SACS: variants seen among roughly 807,000 people sequenced by gnomAD.
SACS encodes sacsin molecular chaperone.
SACS carries 197 observed loss-of-function variants against 348.0 expected under a neutral mutation model. That is an observed-to-expected ratio of 0.57 (90% confidence interval 0.50 to 0.64). The LOEUF is 0.64. Among genes scored for constraint, SACS ranks in the 30% least tolerant of loss-of-function variants. The pLI is 0.00. For synonymous variants in SACS, 1,985 were observed against 1,910.6 expected (o/e 1.04, Z -1.02); for missense variants, 4,999 against 5,360.8 (o/e 0.93, Z 2.11).
In SACS at chr13:23,340,856, T is replaced by A. The variant is rs745430192; in HGVS notation, c.3020A>T (p.Glu1007Val). Reference protein sequence around the residue: ...KDIENAFYSHEEVTQLMLWVL... With the variant: ...KDIENAFYSHVEVTQLMLWVL... ...CCATAACATAAGCTGTGTTACCTCTTCATGTGAATAAAATGCATTTTCAAT... is the reference window on the plus strand; with the variant it reads ...CCATAACATAAGCTGTGTTACCTCTACATGTGAATAAAATGCATTTTCAAT... Residue 1007 changes from glutamate to valine, a missense_variant, in exon 10 of 10, where the codon GAA becomes GTA. By Grantham distance (121) the Glu-to-Val change is moderately radical. Coordinates refer to ENST00000382292, the MANE Select transcript of SACS (RefSeq NM_014363.6). The A allele has an allele frequency of 6.2e-7, 1 of 1,607,850 alleles. No homozygotes were observed. Among genetic ancestry groups the A allele is most frequent in the Non-Finnish European group, 8.5e-7 (1 of 1,175,630 alleles).
chr13:23,425,254 C>A (rs1349420767), intron 1 of SACS, among the ~76,000 whole-genome samples: 2 of 151,682 alleles, frequency 1.3e-5, no homozygotes, highest in Non-Finnish European at 2.9e-5. Flanking sequence ...ACCTGACATA[C>A]AGATGCCCGA....
At chr13:23,370,460 A>G (rs1310289034) in intron 4 of SACS, among the ~76,000 whole-genome samples, 1 of 152,156 alleles carries the variant, frequency 6.6e-6, no homozygotes, top group Non-Finnish European at 1.5e-5. Flanking sequence ...TTTTATGGTA[A>G]GAGTAATTAA....
At chr13:23,423,808 A>G (rs1424640877) in intron 1 of SACS, among the ~76,000 whole-genome samples, 1 of 152,246 alleles carries the variant, frequency 6.6e-6, no homozygotes, top group Non-Finnish European at 1.5e-5. Flanking sequence ...CTATGTGTGA[A>G]GAAGCTTTGA....
intron 3 of SACS, among the ~76,000 whole-genome samples, chr13:23,372,958 C>T (rs1871488620): frequency 6.6e-6 from 1 of 152,292 alleles, no homozygotes; most frequent in Admixed American, 6.5e-5. Flanking sequence ...ACGAAAGGGT[C>T]CTACTTAGAC....
At position 23,341,223 on chromosome 13, in the gene SACS, A is replaced by G. The variant is rs202075357; in HGVS notation, c.2653T>C (p.Leu885=). ...AVLQIMEKMP[L]QKLCNQITSL... ...GTTATTTGATTACACAATTTCTGCA[A>G]TGGCATCTTCTCCATTATCTGCAAA... The change falls in exon 10 of 10, where the codon TTG becomes CTG. Residue 885 remains leucine (L), a synonymous_variant. Coordinates refer to ENST00000382292, the MANE Select transcript of SACS (RefSeq NM_014363.6). 3.5e-5 allele frequency: 56 copies of G among 1,614,040 alleles called. No homozygotes were observed. The highest frequency in any genetic ancestry group is 4.5e-5 in the Non-Finnish European group (53 of 1,180,028).
rs79316822 is a variant in SACS at position 23,421,234 on chromosome 13, T to C, written c.-501-9494A>G. On this transcript the variant is annotated intron_variant, in intron 1 of 9. Transcript: ENST00000382292. ...AACCTGGTGTTCTCCAGGGGCCTGA[T>C]GTCAACCTGAGGTGTAGATATCCAC... is the stretch of plus-strand genomic sequence containing the variant. Among the ~76,000 whole-genome samples the C allele has an allele frequency of 4.4e-3, 666 of 152,110 alleles. 6 individuals are homozygous for C. Among genetic ancestry groups the C allele is most frequent in the African/African-American group, 0.015 (625 of 41,486 alleles).
intron 2 of SACS, among the ~76,000 whole-genome samples, chr13:23,401,033 A>G (rs1872953939): frequency 6.6e-6 from 1 of 152,168 alleles, no homozygotes; most frequent in East Asian, 1.9e-4. Context: ...TCAAATGGGT[A>G]AATATTATTA....
Position 23,330,996 on chromosome 13 carries a change from A to C in SACS, c.12880T>G (p.Ser4294Ala). The change falls in exon 10 of 10, where the codon TCC (serine) becomes GCC (alanine). Residue 4294 changes from serine to alanine, a missense_variant. Transcript: ENST00000382292. Reference protein sequence around the residue: ...ESHKTSSKHQSPKKLKVNSLP... With the variant: ...ESHKTSSKHQAPKKLKVNSLP... Reference sequence around the variant, plus strand: ...GAATTAACCTTAAGCTTTTTGGGGGACTGATGTTTGGAAGAAGTCTTGTGG... The same window carrying C: ...GAATTAACCTTAAGCTTTTTGGGGGCCTGATGTTTGGAAGAAGTCTTGTGG... 1 of 1,613,650 alleles carries C rather than the reference A, an allele frequency of 6.2e-7. No individual in the cohort carries two copies. Among genetic ancestry groups the C allele is most frequent in the Non-Finnish European group, 8.5e-7 (1 of 1,179,888 alleles).
chr13:23,415,377 C>T (rs181567061), intron 1 of SACS, among the ~76,000 whole-genome samples: 7 of 152,092 alleles, frequency 4.6e-5, no homozygotes, highest in Admixed American at 3.9e-4. Flanking sequence ...ACATCTAACT[C>T]ACAATTTAGA....
In SACS at chr13:23,331,069, G is replaced by T; in HGVS notation, c.12807C>A (p.Leu4269=). 6.2e-7 allele frequency: 1 copy of T among 1,613,972 alleles called. No individual in the cohort carries two copies. Among genetic ancestry groups the T allele is most frequent in the East Asian group, 2.2e-5 (1 of 44,888 alleles). The change falls in exon 10 of 10, where the codon CTC becomes CTA. Residue 4269 remains leucine (L), a synonymous_variant. Transcript: ENST00000382292. ...PSTPTSPTEF[L]TPGLRSIPPL... ...GAGGAATGCTTCTCAGGCCAGGGGTGAGGAACTCAGTGGGGCTGGTTGGTG... is the reference window on the plus strand; with the variant it reads ...GAGGAATGCTTCTCAGGCCAGGGGTTAGGAACTCAGTGGGGCTGGTTGGTG...
intron 2 of SACS, among the ~76,000 whole-genome samples, chr13:23,397,362 T>A (rs548142378): frequency 6.6e-6 from 1 of 152,248 alleles, no homozygotes; most frequent in Non-Finnish European, 1.5e-5. Flanking sequence ...TATAAAAAGT[T>A]GTAAAAGGTT....
chr13:23,377,539 T>G (rs528211304), intron 2 of SACS, among the ~76,000 whole-genome samples: 107 of 152,332 alleles, frequency 7.0e-4, no homozygotes, highest in African/African-American at 2.4e-3. Flanking sequence ...CTTCTTATCC[T>G]GTCCATGCCC....
intron 1 of SACS, among the ~76,000 whole-genome samples, chr13:23,418,285 C>G (rs903997831): frequency 6.6e-6 from 1 of 151,932 alleles, no homozygotes; most frequent in African/African-American, 2.4e-5. Context: ...TGGATAATAC[C>G]TTCATTTAAA....
chr13:23,408,088 T>G (rs897375036), intron 2 of SACS, among the ~76,000 whole-genome samples: 6 of 152,170 alleles, frequency 3.9e-5, no homozygotes, highest in South Asian at 4.1e-4. Context: ...GAGTAAAGTC[T>G]TCTTTACTAT....
At chr13:23,347,622 A>G (rs751789832) in intron 9 of SACS, among the ~76,000 whole-genome samples, 7 of 152,340 alleles carry the variant, frequency 4.6e-5, no homozygotes, top group Middle Eastern at 3.4e-3. Flanking sequence ...ACAACTAGAC[A>G]TGGTCCCAGA....
At chr13:23,389,072 T>C (rs1383514417) in intron 2 of SACS, among the ~76,000 whole-genome samples, 1 of 152,148 alleles carries the variant, frequency 6.6e-6, no homozygotes, top group African/African-American at 2.4e-5. Flanking sequence ...TAATAAGATT[T>C]TAAATGGAAA....
At chr13:23,346,183 T>C (rs1420437040) in intron 9 of SACS, among the ~76,000 whole-genome samples, 1 of 152,222 alleles carries the variant, frequency 6.6e-6, no homozygotes, top group Non-Finnish European at 1.5e-5. Context: ...TCCCGCTCTG[T>C]CGCCCAGGCT....
At chr13:23,432,359 A>G (rs1023269150) in intron 1 of SACS, among the ~76,000 whole-genome samples, 1 of 152,204 alleles carries the variant, frequency 6.6e-6, no homozygotes, top group Non-Finnish European at 1.5e-5. Context: ...GGGAGACTGA[A>G]GGAGTCTTTA....
chr13:23,335,918 C>A lies in SACS; in HGVS notation c.7958G>T (p.Arg2653Ile). 6.2e-7 allele frequency: 1 copy of A among 1,613,020 alleles called. No individual in the cohort carries two copies. Among genetic ancestry groups the A allele is most frequent in the Non-Finnish European group, 8.5e-7 (1 of 1,179,114 alleles). ...DILCIFDPHA[R>I]YAPGATSISP... ...AATGGATGTGGCCCCTGGTGCATATCTGGCATGAGGATCAAAAATACACAG... is the reference window on the plus strand; with the variant it reads ...AATGGATGTGGCCCCTGGTGCATATATGGCATGAGGATCAAAAATACACAG... The change falls in exon 10 of 10, where the codon AGA becomes ATA. Residue 2653 changes from arginine to isoleucine, a missense_variant. Around this residue, in one of 6 missense-constraint regions of SACS, gnomAD observed 3,156 missense variants for 3,380.1 expected, o/e 0.93. Transcript: ENST00000382292. The surrounding 1 kb of genome is among the most constrained non-coding windows in gnomAD (Gnocchi z 4.7).
Sources: gnomAD v4.1 joint callset for allele counts (sites outside exome capture counted in the v4.1 genomes callset) on GRCh38, gnomAD v4.1.1 for gene constraint, gnomAD v4.1.1 regional missense constraint, Gnocchi (gnomAD v3.1) non-coding constraint, MANE v1.5 for transcripts, NCBI Gene and HGNC (gene_info 2026-07-23, HGNC 2026-07-21) for gene names.